Variants in TANGO6 observed in about 807,000 individuals in gnomAD.
The protein encoded by TANGO6 is transport and golgi organization 6 homolog, also known as transport and Golgi organization protein 6 homolog.
TANGO6 carries 90 observed loss-of-function variants against 114.2 expected under a neutral mutation model. That is an observed-to-expected ratio of 0.79 (90% CI 0.66 to 0.94). The LOEUF (loss-of-function observed/expected upper bound fraction) is 0.94, where lower values mean the gene tolerates loss of function less well. Ranked by LOEUF, TANGO6 falls within the 40% of genes least tolerant of loss-of-function variation. TANGO6 has a pLI of 0.00. For synonymous variants in TANGO6, 477 were observed against 509.8 expected, an observed-to-expected ratio of 0.94 and a Z score of 0.87; for missense variants, 1,274 against 1,315.3, an observed-to-expected ratio of 0.97 and a Z score of 0.49.
intron 7 of TANGO6, among the ~76,000 whole-genome samples, chr16:68,896,955 G>A (rs577251141): frequency 1.3e-5 from 2 of 152,180 alleles, no homozygotes; most frequent in East Asian, 3.9e-4. Flanking sequence ...CCAGGCTGGA[G>A]TGCAATGGCA....
At chr16:69,027,804 G>A (rs890696544) in intron 16 of TANGO6, among the ~76,000 whole-genome samples, 3 of 146,484 alleles carry the variant, frequency 2.0e-5, no homozygotes, top group Non-Finnish European at 3.0e-5. Flanking sequence ...TTTTTGAGAC[G>A]AATTCTTGCT....
chr16:69,045,219 C>A (rs1959834497), intron 17 of TANGO6, among the ~76,000 whole-genome samples: 1 of 149,628 alleles, frequency 6.7e-6, no homozygotes, highest in Admixed American at 6.7e-5. Context: ...CTTTGGGAGG[C>A]CGAGGCGGGC....
intron 7 of TANGO6, among the ~76,000 whole-genome samples, chr16:68,887,806 G>C (rs1322536654): frequency 6.6e-6 from 1 of 152,122 alleles, no homozygotes; most frequent in Non-Finnish European, 1.5e-5. Flanking sequence ...TTGAACCCGG[G>C]AGGCAGAGGT....
At chr16:68,906,576 T>G (rs1213882643) in intron 9 of TANGO6, among the ~76,000 whole-genome samples, 1 of 152,130 alleles carries the variant, frequency 6.6e-6, no homozygotes, top group Non-Finnish European at 1.5e-5. Context: ...ATCCATCTTT[T>G]TTTTTTTTGT....
intron 4 of TANGO6, among the ~76,000 whole-genome samples, chr16:68,870,698 G>A (rs1275040532): frequency 6.6e-6 from 1 of 151,854 alleles, no homozygotes; most frequent in Non-Finnish European, 1.5e-5. Context: ...GCCATTTCTG[G>A]TGGTCTTTAT....
intron 4 of TANGO6, among the ~76,000 whole-genome samples, chr16:68,871,552 C>T (rs1006342456): frequency 6.6e-6 from 1 of 152,074 alleles, no homozygotes; most frequent in African/African-American, 2.4e-5. Flanking sequence ...TGTTGTCCTG[C>T]CAATTACTAA....
chr16:69,071,628 C>G (rs1057459113), intron 17 of TANGO6, among the ~76,000 whole-genome samples: 19 of 152,304 alleles, frequency 1.2e-4, no homozygotes, highest in African/African-American at 4.1e-4. Flanking sequence ...GAGAGGTAGT[C>G]TAACTAGAGC....
In TANGO6 at chr16:69,000,953, G is replaced by A. The variant is rs568294040; in HGVS notation, c.2843-21875G>A. Among the ~76,000 whole-genome samples, 31 of 152,218 alleles carry A rather than the reference G, an allele frequency of 2.0e-4. 1 individual carries two copies. In the South Asian group the frequency reaches 2.9e-3, roughly 14 times the overall value. ...AGTTCTTTACAAGGTTAAATTTTCA[G>A]AAACCTTCTACAACTTGTTTAAGCC... On this transcript the variant is annotated intron_variant, in intron 15 of 17. Coordinates refer to ENST00000261778, the MANE Select transcript of TANGO6 (RefSeq NM_024562.2).
Position 68,902,497 on chromosome 16 carries a change from G to T in TANGO6, c.1660G>T (p.Ala554Ser). The T allele has an allele frequency of 1.2e-6, 2 of 1,608,604 alleles. No individual in the cohort carries two copies. Among genetic ancestry groups the T allele is most frequent in the East Asian group, 2.2e-5 (1 of 44,556 alleles). The change falls in exon 9 of 18, where the codon GCC becomes TCC. Residue 554 changes from alanine to serine, a missense_variant. Coordinates refer to ENST00000261778, the MANE Select transcript of TANGO6 (RefSeq NM_024562.2). ...QGGIMITIKE[A>S]ISDEDEDEAL... ...TGGCATTATGATTACCATCAAAGAG[G>T]CCATTAGGTGAGTCCACCCATCCGT...
intron 15 of TANGO6, among the ~76,000 whole-genome samples, chr16:68,981,158 T>C (rs1438107123): frequency 6.6e-6 from 1 of 152,122 alleles, no homozygotes; most frequent in Non-Finnish European, 1.5e-5. Flanking sequence ...AATGTCAATG[T>C]TGACAATAAC....
intron 15 of TANGO6, among the ~76,000 whole-genome samples, chr16:69,018,830 G>A (rs901711999): frequency 2.6e-5 from 4 of 152,030 alleles, no homozygotes; most frequent in East Asian, 1.9e-4. Context: ...AGGAGGTTGA[G>A]GCCCGGGAGG....
Position 68,935,437 on chromosome 16 carries a change from G to A in TANGO6, c.2701+5142G>A, listed in dbSNP as rs753505044. On this transcript the variant is annotated intron_variant, in intron 14 of 17. Transcript: ENST00000261778. ...AATAAAATACAGCAGTTCATTCAAC[G>A]GCTATATATTGATGCCTGACTTAGA... 1.1e-4 allele frequency among the ~76,000 whole-genome samples: 17 copies of A among 152,104 alleles called. No individual in the cohort carries two copies. In the South Asian group the frequency reaches 1.7e-3, roughly 15 times the overall value.
intron 14 of TANGO6, among the ~76,000 whole-genome samples, chr16:68,951,274 G>A (rs2152205536): frequency 7.5e-6 from 1 of 134,158 alleles, no homozygotes; most frequent in East Asian, 2.6e-4. Context: ...AGCAAGCTGT[G>A]ATCATACAAC....
chr16:68,915,984 A>G (rs1160805523), intron 11 of TANGO6, among the ~76,000 whole-genome samples: 1 of 152,112 alleles, frequency 6.6e-6, no homozygotes, highest in African/African-American at 2.4e-5. Flanking sequence ...GTGTGCATGC[A>G]TGTGTATTTG....
At chr16:68,903,904 AGAGT>A (rs1487063528) in intron 9 of TANGO6, among the ~76,000 whole-genome samples, 1 of 151,930 alleles carries the variant, frequency 6.6e-6, no homozygotes, top group Non-Finnish European at 1.5e-5. Context: ...CCTAGGTGAC[AGAGT>A]GAGACTCTGT....
intron 16 of TANGO6, among the ~76,000 whole-genome samples, chr16:69,036,977 GA>G: frequency 6.6e-6 from 1 of 150,484 alleles, no homozygotes; most frequent in Non-Finnish European, 1.5e-5. Context: ...AAAAAAAAAA[GA>G]AAAAGAAGAA....
intron 17 of TANGO6, among the ~76,000 whole-genome samples, chr16:69,056,517 T>G (rs1324486276): frequency 6.6e-6 from 1 of 152,024 alleles, no homozygotes; most frequent in East Asian, 1.9e-4. Context: ...CAACTAGACA[T>G]TCTCCTCTTG....
intron 8 of TANGO6, among the ~76,000 whole-genome samples, chr16:68,901,767 C>T (rs1962788616): frequency 6.6e-6 from 1 of 152,128 alleles, no homozygotes; most frequent in South Asian, 2.1e-4. Context: ...GGATTACAGG[C>T]GTGAGCCACC....
intron 14 of TANGO6, among the ~76,000 whole-genome samples, chr16:68,957,470 T>A (rs1187963412): frequency 6.6e-6 from 1 of 150,898 alleles, no homozygotes; most frequent in Non-Finnish European, 1.5e-5. Context: ...CGATTTTGGC[T>A]CACCGCAGCC....
Sources: gnomAD v4.1 joint callset for allele counts (sites outside exome capture counted in the v4.1 genomes callset) on GRCh38, gnomAD v4.1.1 for gene constraint, MANE v1.5 for transcripts, NCBI Gene and HGNC (gene_info 2026-07-23, HGNC 2026-07-21) for gene names.